The following CDH23 variants were observed in gnomAD, a reference collection of about 807,000 sequenced individuals.
CDH23 encodes the protein cadherin-23.
In CDH23, 189 loss-of-function variants were observed where a neutral mutation model predicts 317.1. That is an observed-to-expected ratio of 0.60 (90% confidence interval 0.53 to 0.67). The LOEUF is 0.67. Ranked by LOEUF, CDH23 falls within the 30% of genes least tolerant of loss-of-function variation. The pLI, the probability that CDH23 is intolerant of heterozygous loss-of-function variation, is 0.00. For missense variants in CDH23, 4,401 were observed against 4,592.4 expected (o/e 0.96, Z 1.20); for synonymous variants, 1,839 against 1,876.8 (o/e 0.98, Z 0.52).
chr10:71,598,160 C>T (rs900624190), intron 9 of CDH23, among the ~76,000 whole-genome samples: 1 of 152,214 alleles, frequency 6.6e-6, no homozygotes, highest in Non-Finnish European at 1.5e-5. Context: ...GCTGGGGAGG[C>T]CACAGCTGAC....
In CDH23 at chr10:71,730,481, G is replaced by A. The variant is rs774804095; in HGVS notation, c.3592G>A (p.Val1198Met). Residue 1198 changes from valine (V) to methionine (M), a missense_variant, in exon 31 of 70, where the codon GTG (valine) becomes ATG (methionine). By Grantham distance (21) the Val-to-Met change is conservative. Coordinates refer to ENST00000224721, the MANE Select transcript of CDH23 (RefSeq NM_022124.6). ...MRSSVRVIVYVEDINDEAPVF... is the reference protein window; with the variant it reads ...MRSSVRVIVYMEDINDEAPVF... Reference sequence around the variant, plus strand: ...CCGGCTCCCACAGGTGATTGTGTACGTGGAGGACATCAACGATGAGGCCCC... The same window carrying A: ...CCGGCTCCCACAGGTGATTGTGTACATGGAGGACATCAACGATGAGGCCCC... The A allele has an allele frequency of 5.0e-5, 80 of 1,613,656 alleles. 1 individual carries two copies. The Admixed American group carries it at 1.1e-3, about 22-fold the overall frequency.
chr10:71,406,436 G>C (rs1264699614), intron 1 of CDH23, among the ~76,000 whole-genome samples: 1 of 152,170 alleles, frequency 6.6e-6, no homozygotes, highest in African/African-American at 2.4e-5. Flanking sequence ...CATGCTGTCT[G>C]CACTTCTCCT....
At chr10:71,438,314 A>T (rs1849710503) in intron 1 of CDH23, among the ~76,000 whole-genome samples, 2 of 146,832 alleles carry the variant, frequency 1.4e-5, no homozygotes, top group Non-Finnish European at 3.0e-5. Context: ...ACTGCACTCC[A>T]GCCTGGGTGA....
chr10:71,798,919 T>C (rs555435369), intron 50 of CDH23, among the ~76,000 whole-genome samples, 192 bp from the exon 51 acceptor site: 69 of 152,268 alleles, frequency 4.5e-4, no homozygotes, highest in African/African-American at 1.6e-3. Context: ...AGAAGCTTTT[T>C]CACCCTCCAT....
At chr10:71,769,664 T>C in intron 38 of CDH23, among the ~76,000 whole-genome samples, 1 of 152,142 alleles carries the variant, frequency 6.6e-6, no homozygotes, top group East Asian at 1.9e-4. Flanking sequence ...GAAGTGTGTG[T>C]TTGTGTTCCC....
Position 71,785,635 on chromosome 10 carries a change from G to A in CDH23, c.5717G>A (p.Gly1906Glu). The change falls in exon 44 of 70, where the codon GGG becomes GAG. Residue 1906 changes from glycine (G) to glutamate (E), a missense_variant. Physicochemically the swap from Gly to Glu is moderately conservative, Grantham distance 98. This residue lies in a region of CDH23 where 3,068 missense variants were observed against 3,203.3 expected (regional missense o/e 0.96). Coordinates refer to ENST00000224721, the MANE Select transcript of CDH23 (RefSeq NM_022124.6). ...TCACCACCCTCCACATCCCAGACAG[G>A]GATCGTCACTGTGAACCGGCCCCTG... Reference protein sequence around the residue: ...ERAFFINATTGIVTVNRPLDR... With the variant: ...ERAFFINATTEIVTVNRPLDR... The A allele has an allele frequency of 1.3e-6, 2 of 1,591,492 alleles. No individual in the cohort carries two copies. The highest frequency in any genetic ancestry group is 1.7e-6 in the Non-Finnish European group (2 of 1,167,600).
intron 9 of CDH23, among the ~76,000 whole-genome samples, chr10:71,589,272 A>G (rs1052731255): frequency 1.3e-4 from 20 of 152,094 alleles, no homozygotes; most frequent in Non-Finnish European, 2.1e-4. Context: ...GGCACCCGCC[A>G]CCACACCCAG....
chr10:71,642,224 A>G (rs1862584986), intron 11 of CDH23, among the ~76,000 whole-genome samples: 1 of 151,882 alleles, frequency 6.6e-6, no homozygotes, highest in Non-Finnish European at 1.5e-5. Context: ...GGTACATCTC[A>G]GTTTGTTCTG....
intron 64 of CDH23, 28 bp downstream of exon 64, chr10:71,811,618 G>T: frequency 1.9e-6 from 3 of 1,613,878 alleles, no homozygotes; most frequent in Non-Finnish European, 2.5e-6. Context: ...CTGCCATCAG[G>T]GGGCCGACCA....
rs1589216421 is a variant in CDH23 at position 71,567,343 on chromosome 10, G to T, written c.624+407G>T. Among the ~76,000 whole-genome samples, 7 of 152,308 alleles carry T rather than the reference G, an allele frequency of 4.6e-5. No individual in the cohort carries two copies. The South Asian group carries it at 1.5e-3, about 32-fold the overall frequency. On this transcript the variant is annotated intron_variant, in intron 7 of 69. Coordinates refer to ENST00000224721, the MANE Select transcript of CDH23 (RefSeq NM_022124.6). ...GCTCTCTGGGACACAGGACAGAGGT[G>T]TTCACCCAGCTGTGTCCTGACACCA...
Position 71,760,004 on chromosome 10 carries a change from T to TAC in CDH23, c.4846-17675_4846-17674insCA, listed in dbSNP as rs1564779591. 1.2e-3 allele frequency among the ~76,000 whole-genome samples: 62 copies of TAC among 53,058 alleles called. 15 individuals carry two copies. The highest frequency in any genetic ancestry group is 1.7e-3 in the Non-Finnish European group (40 of 23,202). The allele number at this position is 53,058 out of a possible 152,430, so 34.8% of individuals were successfully genotyped here. A position where few individuals can be genotyped will look rare whatever the true frequency, so the allele number is the denominator to read the frequency against. On this transcript the variant is annotated intron_variant, in intron 38 of 69. Transcript: ENST00000224721. ...ACATATATATACACACACACATACA[T>TAC]ATATATACACACACACATATATACA... is the stretch of plus-strand genomic sequence containing the variant.
At chr10:71,421,258 C>T (rs1378108870) in intron 1 of CDH23, among the ~76,000 whole-genome samples, 1 of 152,244 alleles carries the variant, frequency 6.6e-6, no homozygotes, top group Non-Finnish European at 1.5e-5. Flanking sequence ...CGGTTCCACT[C>T]CTGCTCCCTG....
At chr10:71,779,763 G>C (rs1840906650) in intron 41 of CDH23, among the ~76,000 whole-genome samples, 1 of 152,226 alleles carries the variant, frequency 6.6e-6, no homozygotes, top group Non-Finnish European at 1.5e-5. Context: ...GACGAGGGAA[G>C]CACATCCTTA....
At chr10:71,696,561 C>T (rs772632711) in intron 22 of CDH23, among the ~76,000 whole-genome samples, 3 of 152,230 alleles carry the variant, frequency 2.0e-5, no homozygotes, top group Admixed American at 6.5e-5. Context: ...CCACCTGGCC[C>T]AGTCCTTATT....
intron 3 of CDH23, among the ~76,000 whole-genome samples, chr10:71,483,681 G>T (rs949983118): frequency 6.6e-6 from 1 of 152,212 alleles, no homozygotes; most frequent in African/African-American, 2.4e-5. Flanking sequence ...CAGCCTTTTA[G>T]GTGCATCAGC....
chr10:71,670,654 C>T (rs115043367), intron 14 of CDH23, among the ~76,000 whole-genome samples: 1 of 152,106 alleles, frequency 6.6e-6, no homozygotes, highest in Non-Finnish European at 1.5e-5. Context: ...GAGGTAGATA[C>T]GAGAACACTA....
chr10:71,403,835 A>G (rs1450506504), intron 1 of CDH23, among the ~76,000 whole-genome samples: 1 of 151,772 alleles, frequency 6.6e-6, no homozygotes, highest in Non-Finnish European at 1.5e-5. Context: ...CATGCCTGTA[A>G]TCCCAGTACT....
intron 3 of CDH23, among the ~76,000 whole-genome samples, chr10:71,454,505 G>A (rs1850594975): frequency 6.6e-6 from 1 of 152,208 alleles, no homozygotes; most frequent in Non-Finnish European, 1.5e-5. Flanking sequence ...AAAGAACCTA[G>A]ACTGGAAATT....
intron 48 of CDH23, 158 bp from the exon 49 acceptor site, chr10:71,796,946 T>G (rs902984990): frequency 3.4e-6 from 2 of 587,116 alleles, no homozygotes; most frequent in Admixed American, 2.5e-5. Context: ...CCCAAGCTTA[T>G]GAGGAGGCTG....
Sources: allele counts gnomAD v4.1 joint callset (sites outside exome capture counted in the v4.1 genomes callset), GRCh38; gene constraint gnomAD v4.1.1; regional missense constraint gnomAD v4.1.1; transcripts MANE v1.5; gene names NCBI Gene and HGNC (gene_info 2026-07-23, HGNC 2026-07-21).